The following PIK3R3 variants were observed in gnomAD, a reference collection of about 807,000 sequenced individuals.
The protein encoded by PIK3R3 is phosphoinositide-3-kinase regulatory subunit 3, also known as phosphatidylinositol 3-kinase regulatory subunit gamma.
A neutral mutation model predicts 62.9 loss-of-function variants in PIK3R3; 64 were observed. The observed-to-expected ratio is 1.02, with a 90% CI of 0.83 to 1.25. The LOEUF (loss-of-function observed/expected upper bound fraction) is 1.25, where lower values mean the gene tolerates loss of function less well. PIK3R3 is among the 50% of genes most tolerant of loss of function. The pLI is 0.00. For missense variants in PIK3R3, 614 were observed against 561.6 expected, an observed-to-expected ratio of 1.09 and a Z score of -0.94; for synonymous variants, 165 against 189.0, an observed-to-expected ratio of 0.87 and a Z score of 1.04.
chr1:46,057,725 G>A (rs1297691795), intron 6 of PIK3R3, among the ~76,000 whole-genome samples: 3 of 152,298 alleles, frequency 2.0e-5, no homozygotes, highest in South Asian at 2.1e-4. Flanking sequence ...GATATCTGGC[G>A]GAAGAAATTT....
intron 1 of PIK3R3, among the ~76,000 whole-genome samples, chr1:46,086,322 G>A (rs1016569646): frequency 3.3e-5 from 5 of 152,144 alleles, no homozygotes; most frequent in Non-Finnish European, 7.4e-5. Context: ...CAGGTGCAGT[G>A]GTGTGCACCT....
At chr1:46,164,112 T>C in the PIK3R3 span, among the ~76,000 whole-genome samples, 1 of 152,118 alleles carries the variant, frequency 6.6e-6, no homozygotes, top group Non-Finnish European at 1.5e-5. Flanking sequence ...ACAGAGTAGT[T>C]AACAGGTAGG....
chr1:46,134,604 G>A (rs1436136245), upstream of PIK3R3: 1 of 152,204 alleles, frequency 6.6e-6, no homozygotes, highest in Non-Finnish European at 1.5e-5. Flanking sequence ...ATATCTGGGA[G>A]CCAGAAGCAC....
the PIK3R3 span, among the ~76,000 whole-genome samples, chr1:46,159,116 T>TAAATA: frequency 1.4e-4 from 20 of 143,900 alleles, no homozygotes; most frequent in African/African-American, 4.7e-4. Flanking sequence ...AATAAATAAA[T>TAAATA]AAATAAAATA....
At chr1:46,070,361 A>C (rs1313810049) in intron 3 of PIK3R3, among the ~76,000 whole-genome samples, 2 of 152,242 alleles carry the variant, frequency 1.3e-5, no homozygotes, top group African/African-American at 4.8e-5. Context: ...TTAATGTGTA[A>C]ATATGTTGAT....
chr1:46,168,167 TA>T, the PIK3R3 span, among the ~76,000 whole-genome samples: 1 of 151,964 alleles, frequency 6.6e-6, no homozygotes, highest in African/African-American at 2.4e-5. Context: ...ATAAATTAAT[TA>T]AATTAAATTA....
At chr1:46,107,287 T>C (rs1653309003) in intron 1 of PIK3R3, among the ~76,000 whole-genome samples, 4 of 152,166 alleles carry the variant, frequency 2.6e-5, no homozygotes, top group Admixed American at 2.6e-4. Context: ...GAGGTTGCAG[T>C]AAGCCTAGAT....
intron 3 of PIK3R3, among the ~76,000 whole-genome samples, chr1:46,070,875 T>C (rs968007841): frequency 7.2e-5 from 11 of 152,218 alleles, no homozygotes; most frequent in African/African-American, 2.7e-4. Context: ...CCTAGTCCAA[T>C]GCCTGGCAGA....
At chr1:46,137,504 G>T (rs959787521), upstream of PIK3R3, among the ~76,000 whole-genome samples, 1 of 152,134 alleles carries the variant, frequency 6.6e-6, no homozygotes, top group Non-Finnish European at 1.5e-5. Flanking sequence ...CTCAGTTTTC[G>T]CAATTCACAA....
intron 1 of PIK3R3, among the ~76,000 whole-genome samples, chr1:46,107,057 G>A (rs543879614): frequency 1.1e-4 from 16 of 152,210 alleles, no homozygotes; most frequent in South Asian, 1.0e-3. Context: ...CACCGTGCCC[G>A]GCTGCCTTAG....
the PIK3R3 span, among the ~76,000 whole-genome samples, chr1:46,163,497 C>T: frequency 6.6e-6 from 1 of 152,144 alleles, no homozygotes; most frequent in Non-Finnish European, 1.5e-5. Context: ...CCTAGAGGTC[C>T]TTCAGACAAA....
chr1:46,141,380 A>G, the PIK3R3 span, among the ~76,000 whole-genome samples: 1 of 151,662 alleles, frequency 6.6e-6, no homozygotes, highest in Admixed American at 6.6e-5. Flanking sequence ...CAAGCAATTC[A>G]TTGCCTCAGC....
intron 1 of PIK3R3, among the ~76,000 whole-genome samples, chr1:46,129,651 T>C (rs1276565256): frequency 6.6e-6 from 1 of 152,130 alleles, no homozygotes; most frequent in Admixed American, 6.6e-5. Context: ...CTACAAAACA[T>C]GCTGCAACCA....
intron 1 of PIK3R3, among the ~76,000 whole-genome samples, chr1:46,105,688 AC>A (rs1410534680): frequency 6.6e-6 from 1 of 150,962 alleles, no homozygotes; most frequent in African/African-American, 2.4e-5. Flanking sequence ...GGGTGTGGTC[AC>A]GGGTACCTAC....
the PIK3R3 span, among the ~76,000 whole-genome samples, chr1:46,167,406 T>C: frequency 1.3e-5 from 2 of 152,172 alleles, no homozygotes; most frequent in African/African-American, 4.8e-5. Context: ...CCTTGAAACC[T>C]GGGTGGAGGC....
intron 6 of PIK3R3, among the ~76,000 whole-genome samples, chr1:46,061,331 T>C (rs1360257321): frequency 6.6e-6 from 1 of 152,234 alleles, no homozygotes; most frequent in Non-Finnish European, 1.5e-5. Context: ...TTTTCTGCTA[T>C]TTCTCTAGTC....
At chr1:46,054,352 T>C (rs115958595) in intron 7 of PIK3R3, among the ~76,000 whole-genome samples, 1,813 of 127,862 alleles carry the variant, frequency 0.014, 15 homozygotes, top group Non-Finnish European at 0.019. Flanking sequence ...GCTGAGATTG[T>C]GCCATTGCAC....
chr1:46,055,387 G>T (rs1220652619), intron 7 of PIK3R3, among the ~76,000 whole-genome samples: 6 of 152,220 alleles, frequency 3.9e-5, no homozygotes, highest in Non-Finnish European at 4.4e-5. Context: ...TGGGGTTACA[G>T]GCGTAAGCCA....
rs201511245 is a variant in PIK3R3, at chr1:46,129,401, TTTTA to T, written c.106+2442_106+2445del. 4.3e-3 allele frequency among the ~76,000 whole-genome samples: 569 copies of T among 131,642 alleles called. 2 individuals carry two copies. The highest frequency in any genetic ancestry group is 0.011 in the African/African-American group (395 of 36,046). The allele number at this position is 131,642 out of a possible 152,430, so 86.4% of individuals were successfully genotyped here. A position where few individuals can be genotyped will look rare whatever the true frequency, so the allele number is the denominator to read the frequency against. On this transcript the variant is annotated intron_variant, in intron 1 of 9. Transcript: ENST00000262741. ...TATGAGAGGGTAAGCAATTGGGGGATTTTATTTATTTATTTATTTATTTATTTAT... is the reference window on the plus strand; with the variant it reads ...TATGAGAGGGTAAGCAATTGGGGGATTTTATTTATTTATTTATTTATTTAT...
Sources: gnomAD v4.1 joint callset for allele counts (sites outside exome capture counted in the v4.1 genomes callset) on GRCh38, gnomAD v4.1.1 for gene constraint, MANE v1.5 for transcripts, NCBI Gene and HGNC (gene_info 2026-07-23, HGNC 2026-07-21) for gene names.